The following MGAT4C variants were observed in gnomAD, a reference collection of about 807,000 sequenced individuals.
MGAT4C encodes alpha-1,3-mannosyl-glycoprotein 4-beta-N-acetylglucosaminyltransferase C.
MGAT4C carries 19 observed loss-of-function variants against 40.1 expected under a neutral mutation model. That is an observed-to-expected ratio of 0.47 (90% CI 0.33 to 0.70). MGAT4C has a LOEUF of 0.70. Among genes scored for constraint, MGAT4C ranks in the 30% least tolerant of loss-of-function variants. The pLI is 0.02. For missense variants in MGAT4C, 491 were observed against 563.2 expected, an observed-to-expected ratio of 0.87 and a Z score of 1.30; for synonymous variants, 181 against 187.1, an observed-to-expected ratio of 0.97 and a Z score of 0.27.
At chr12:86,837,075 G>A (rs1007197008) in intron 1 of MGAT4C, among the ~76,000 whole-genome samples, 4 of 152,090 alleles carry the variant, frequency 2.6e-5, no homozygotes, top group African/African-American at 7.2e-5. Flanking sequence ...GTGCACTTCT[G>A]TAGGTTTAAA....
At chr12:86,611,573 G>C (rs1020400488) in intron 2 of MGAT4C, among the ~76,000 whole-genome samples, 2 of 152,080 alleles carry the variant, frequency 1.3e-5, no homozygotes, top group Non-Finnish European at 2.9e-5. Context: ...TCCTCTGCAC[G>C]TCTCCTTCAG....
intron 2 of MGAT4C, among the ~76,000 whole-genome samples, chr12:85,997,202 C>T (rs952362893): frequency 4.6e-5 from 7 of 152,144 alleles, no homozygotes; most frequent in African/African-American, 1.7e-4. Flanking sequence ...ATAAAACCAT[C>T]AGATATTGTG....
chr12:86,546,635 G>T (rs1959194397), intron 2 of MGAT4C, among the ~76,000 whole-genome samples: 2 of 152,008 alleles, frequency 1.3e-5, no homozygotes, highest in African/African-American at 4.8e-5. Flanking sequence ...ATAGTTTATA[G>T]AATTAAATTT....
At chr12:86,419,662 G>A (rs17014005) in intron 3 of MGAT4C, among the ~76,000 whole-genome samples, 9,735 of 152,110 alleles carry the variant, frequency 0.064, 749 homozygotes, top group East Asian at 0.23. Context: ...TAATATTTTG[G>A]TACTCAAGTG....
At chr12:86,604,604 C>T (rs955993130) in intron 2 of MGAT4C, among the ~76,000 whole-genome samples, 2 of 152,054 alleles carry the variant, frequency 1.3e-5, no homozygotes, top group African/African-American at 4.8e-5. Context: ...CACACTCATT[C>T]TTCTTTCACA....
chr12:86,779,849 C>T (rs1951808426), intron 1 of MGAT4C, among the ~76,000 whole-genome samples: 1 of 151,814 alleles, frequency 6.6e-6, no homozygotes, highest in South Asian at 2.1e-4. Context: ...GGAGGTGGAG[C>T]TTGCTGTGAG....
chr12:86,221,948 T>C (rs1283609495), intron 1 of MGAT4C, among the ~76,000 whole-genome samples: 2 of 152,220 alleles, frequency 1.3e-5, no homozygotes, highest in Non-Finnish European at 2.9e-5. Flanking sequence ...TACACACATA[T>C]AAGAACAGTA....
intron 1 of MGAT4C, among the ~76,000 whole-genome samples, chr12:86,242,724 G>A (rs61949044): frequency 0.073 from 11,127 of 152,066 alleles, 570 homozygotes; most frequent in Middle Eastern, 0.22. Flanking sequence ...AAACCTAGCT[G>A]TCCCATCCAA....
chr12:86,804,131 T>C (rs1018528194), intron 1 of MGAT4C, among the ~76,000 whole-genome samples: 14 of 150,886 alleles, frequency 9.3e-5, no homozygotes, highest in African/African-American at 2.9e-4. Context: ...ATGGATGAAA[T>C]TGGAAATCAT....
chr12:86,596,928 T>A (rs970100361), intron 2 of MGAT4C, among the ~76,000 whole-genome samples: 1 of 152,194 alleles, frequency 6.6e-6, no homozygotes, highest in Non-Finnish European at 1.5e-5. Context: ...CATAACAGCA[T>A]GGAAAGTCAT....
intron 4 of MGAT4C, among the ~76,000 whole-genome samples, chr12:86,327,017 T>C (rs1243254465): frequency 6.6e-6 from 1 of 152,184 alleles, no homozygotes; most frequent in African/African-American, 2.4e-5. Context: ...TTCTAAAACT[T>C]TTCCCTACAA....
intron 2 of MGAT4C, among the ~76,000 whole-genome samples, chr12:86,650,301 C>T (rs1279175127): frequency 6.6e-6 from 1 of 151,814 alleles, no homozygotes; most frequent in Non-Finnish European, 1.5e-5. Flanking sequence ...TTCTTATGTG[C>T]CTTCAAACAT....
At chr12:86,290,773 T>C (rs1190226391) in intron 4 of MGAT4C, among the ~76,000 whole-genome samples, 3 of 151,454 alleles carry the variant, frequency 2.0e-5, no homozygotes, top group Admixed American at 2.0e-4. Context: ...CCATAACCCA[T>C]GGTAACTTGG....
rs142977860 is a variant in MGAT4C at position 86,592,726 on chromosome 12, G to C, written c.-229+134483C>G. 7.1e-3 allele frequency among the ~76,000 whole-genome samples: 1,074 copies of C among 152,198 alleles called. 6 individuals are homozygous for C. The highest frequency in any genetic ancestry group is 0.027 in the Middle Eastern group (8 of 294). On this transcript the variant is annotated intron_variant, in intron 2 of 7. Transcript: ENST00000548651. ...CTTTAGACTGGGGTCTTTTGCTTAT[G>C]ATACCTCCAAGTTTAACTAATCTCT...
chr12:86,026,187 T>C (rs1890222504), intron 2 of MGAT4C, among the ~76,000 whole-genome samples: 1 of 151,898 alleles, frequency 6.6e-6, no homozygotes, highest in Non-Finnish European at 1.5e-5. Context: ...TATTTTTAAT[T>C]ACATAAGCAA....
At chr12:86,356,270 C>A (rs1592734435) in intron 3 of MGAT4C, among the ~76,000 whole-genome samples, 1 of 152,196 alleles carries the variant, frequency 6.6e-6, no homozygotes, top group East Asian at 1.9e-4. Flanking sequence ...AGGGAACAAA[C>A]AAAAATCCAA....
intron 1 of MGAT4C, among the ~76,000 whole-genome samples, chr12:86,065,737 G>T (rs1163016479): frequency 1.3e-5 from 2 of 151,956 alleles, no homozygotes; most frequent in African/African-American, 2.4e-5. Context: ...AAGAAATAAA[G>T]GTATTCAATT....
intron 3 of MGAT4C, among the ~76,000 whole-genome samples, chr12:86,420,138 G>A (rs566413087): frequency 1.3e-5 from 2 of 149,946 alleles, no homozygotes; most frequent in East Asian, 4.0e-4. Flanking sequence ...AGCACTTTGG[G>A]AGGGTGGGGT....
At chr12:86,807,395 C>T (rs1952378068) in intron 1 of MGAT4C, among the ~76,000 whole-genome samples, 2 of 151,976 alleles carry the variant, frequency 1.3e-5, no homozygotes, top group African/African-American at 2.4e-5. Context: ...TCTGTTCCTA[C>T]GTTGGTTTGC....
Sources: gnomAD v4.1 joint callset for allele counts (sites outside exome capture counted in the v4.1 genomes callset) on GRCh38, gnomAD v4.1.1 for gene constraint, MANE v1.5 for transcripts, NCBI Gene and HGNC (gene_info 2026-07-23, HGNC 2026-07-21) for gene names.